RAB11FIP2: variants seen among roughly 807,000 people sequenced by gnomAD.
RAB11FIP2 encodes RAB11 family interacting protein 2.
A neutral mutation model predicts 40.9 loss-of-function variants in RAB11FIP2; 16 were observed. That is an observed-to-expected ratio of 0.39 (90% confidence interval 0.26 to 0.59). The LOEUF (loss-of-function observed/expected upper bound fraction) is 0.59. RAB11FIP2 is among the 20% of genes least tolerant of loss of function. The pLI is 0.53. For synonymous variants in RAB11FIP2, 228 were observed against 213.7 expected, an observed-to-expected ratio of 1.07 and a Z score of -0.58; for missense variants, 532 against 606.2, an observed-to-expected ratio of 0.88 and a Z score of 1.28.
intron 4 of RAB11FIP2, among the ~76,000 whole-genome samples, chr10:118,011,661 T>A (rs890363423): frequency 6.6e-6 from 1 of 152,090 alleles, no homozygotes; most frequent in Non-Finnish European, 1.5e-5. Flanking sequence ...ATAGATGAGA[T>A]GTTCTCCATG....
chr10:118,041,654 TG>T (rs1306518004), intron 1 of RAB11FIP2, among the ~76,000 whole-genome samples: 1 of 151,874 alleles, frequency 6.6e-6, no homozygotes, highest in Non-Finnish European at 1.5e-5. Context: ...AAAGGAACTC[TG>T]ATCTAATTTT....
intron 1 of RAB11FIP2, 115 bp downstream of exon 1, chr10:118,045,696 G>T (rs1564696604): frequency 1.3e-6 from 1 of 797,230 alleles, no homozygotes; most frequent in African/African-American, 1.7e-5. Context: ...CTTAAAACTG[G>T]ATCATATTTC....
At chr10:118,042,425 C>T (rs1240460030) in intron 1 of RAB11FIP2, among the ~76,000 whole-genome samples, 1 of 151,850 alleles carries the variant, frequency 6.6e-6, no homozygotes, top group Non-Finnish European at 1.5e-5. Flanking sequence ...AGATTAAAGT[C>T]AATAAAGAAA....
intron 3 of RAB11FIP2, among the ~76,000 whole-genome samples, chr10:118,031,902 C>T (rs1361143300): frequency 6.6e-6 from 1 of 151,954 alleles, no homozygotes; most frequent in Non-Finnish European, 1.5e-5. Context: ...CTATGAGTCA[C>T]AAATAGAAGG....
In RAB11FIP2 at chr10:118,007,504, T is replaced by G. The variant is rs1846107452; in HGVS notation, c.*1494A>C. On this transcript the variant is annotated 3_prime_UTR_variant, in exon 5 of 5. Transcript: ENST00000355624. ...TTTTTGTTTAACTTTCAATGGAGTC[T>G]TAACAGAGATAAGTATTAGAAAAAA... is the stretch of plus-strand genomic sequence containing the variant. 6.6e-6 allele frequency: 1 copy of G among 151,470 alleles called. No homozygotes were observed. The highest frequency in any genetic ancestry group is 1.5e-5 in the Non-Finnish European group (1 of 67,872). 9.4% of individuals were successfully genotyped at this position (151,470 alleles called of 1,614,324 possible). A position where few individuals can be genotyped will look rare whatever the true frequency, so the allele number is the denominator to read the frequency against.
intron 3 of RAB11FIP2, among the ~76,000 whole-genome samples, chr10:118,025,293 G>GA (rs546151631): frequency 3.3e-5 from 5 of 151,832 alleles, no homozygotes; most frequent in African/African-American, 9.7e-5. Flanking sequence ...TCTGCGTGAA[G>GA]AAAAAAAATA....
rs1217144875 is a variant in RAB11FIP2, at chr10:118,005,018, T to C, written c.*3980A>G. On this transcript the variant is annotated 3_prime_UTR_variant, in exon 5 of 5. Coordinates refer to ENST00000355624, the MANE Select transcript of RAB11FIP2 (RefSeq NM_014904.3). ...CATAAATTATACAATTGTCACATTA[T>C]ACAATGCTTACATACTTTTGAATTT... 1 of 152,672 alleles carries C rather than the reference T, an allele frequency of 6.5e-6. No homozygotes were observed. The highest frequency in any genetic ancestry group is 2.4e-5 in the African/African-American group (1 of 41,468). The allele number at this position is 152,672 out of a possible 1,614,324, so 9.5% of individuals were successfully genotyped here.
chr10:118,015,865 T>A (rs1846213348), intron 3 of RAB11FIP2, among the ~76,000 whole-genome samples: 1 of 152,240 alleles, frequency 6.6e-6, no homozygotes, highest in Non-Finnish European at 1.5e-5. Context: ...TACCCAGCAC[T>A]TAAAGGTATT....
intron 1 of RAB11FIP2, among the ~76,000 whole-genome samples, chr10:118,044,229 C>T (rs1846598198): frequency 1.3e-5 from 2 of 152,230 alleles, no homozygotes; most frequent in East Asian, 1.9e-4. Flanking sequence ...ACATTTGGTC[C>T]TACTTTCACT....
At position 118,045,455 on chromosome 10, in the gene RAB11FIP2, T is replaced by C. The variant is rs754742304; in HGVS notation, c.353+356A>G. 6 of 176,024 alleles carry C rather than the reference T, an allele frequency of 3.4e-5. No individual in the cohort carries two copies. The South Asian group carries it at 8.5e-4, about 25-fold the overall frequency. The allele number at this position is 176,024 out of a possible 1,614,324, so 10.9% of individuals were successfully genotyped here. On this transcript the variant is annotated intron_variant, in intron 1 of 4. Coordinates refer to ENST00000355624, the MANE Select transcript of RAB11FIP2 (RefSeq NM_014904.3). ...ATTTAATTTCTCATCTTCCATTTCATTGATAATTGTAAGGTTTAAAATCCA... is the reference window on the plus strand; with the variant it reads ...ATTTAATTTCTCATCTTCCATTTCACTGATAATTGTAAGGTTTAAAATCCA...
In RAB11FIP2 at chr10:118,008,466, A is replaced by G. The variant is rs1358493055; in HGVS notation, c.*532T>C. ...TTGTTTCTAAATGTTCTAAAAACAC[A>G]TGTATATATGAGGTATATGCCTATA... On this transcript the variant is annotated 3_prime_UTR_variant, in exon 5 of 5. Coordinates refer to ENST00000355624, the MANE Select transcript of RAB11FIP2 (RefSeq NM_014904.3). The G allele has an allele frequency of 6.5e-6, 1 of 153,938 alleles. No homozygotes were observed. Among genetic ancestry groups the G allele is most frequent in the Non-Finnish European group, 1.5e-5 (1 of 68,934 alleles). 9.5% of individuals were successfully genotyped at this position (153,938 alleles called of 1,614,324 possible).
chr10:118,016,512 T>G (rs779799067), intron 3 of RAB11FIP2, among the ~76,000 whole-genome samples: 5 of 152,166 alleles, frequency 3.3e-5, no homozygotes, highest in Non-Finnish European at 7.3e-5. Flanking sequence ...TGGTAGCAGC[T>G]GCTAACACAT....
intron 4 of RAB11FIP2, 26 bp downstream of exon 4, chr10:118,015,039 A>G: frequency 1.9e-6 from 3 of 1,571,372 alleles, no homozygotes; most frequent in Non-Finnish European, 2.6e-6. Flanking sequence ...CTCTTTGACA[A>G]CCCTCTAACC....
chr10:118,018,957 G>C (rs1355603594), intron 3 of RAB11FIP2, among the ~76,000 whole-genome samples: 1 of 149,052 alleles, frequency 6.7e-6, no homozygotes, highest in Non-Finnish European at 1.5e-5. Flanking sequence ...ATATTCTTTT[G>C]GAACAAGAAT....
intron 3 of RAB11FIP2, among the ~76,000 whole-genome samples, chr10:118,034,774 T>C (rs1259242997): frequency 6.6e-6 from 1 of 152,156 alleles, no homozygotes; most frequent in Admixed American, 6.5e-5. Context: ...AACATTCTCC[T>C]GAAGATTACA....
chr10:118,024,698 T>A (rs1846322500), intron 3 of RAB11FIP2, among the ~76,000 whole-genome samples: 1 of 152,040 alleles, frequency 6.6e-6, no homozygotes, highest in East Asian at 1.9e-4. Flanking sequence ...GACTCTTCCA[T>A]GAGGGTGCAA....
Position 118,039,328 on chromosome 10 carries a change from T to C in RAB11FIP2, c.909A>G (p.Pro303=). The part of the protein sequence containing the change: ...GELCFGRQND[P]FTNVTASLPQ... ...GTAATGAAGCAGTCACATTTGTAAA[T>C]GGGTCATTTTGTCTTCCGAAACACA... Residue 303 remains proline (P), a synonymous_variant, in exon 3 of 5, where the codon CCA becomes CCG. Transcript: ENST00000355624. The C allele has an allele frequency of 1.9e-6, 3 of 1,613,726 alleles. No individual in the cohort carries two copies. The highest frequency in any genetic ancestry group is 2.5e-6 in the Non-Finnish European group (3 of 1,179,712).
intron 3 of RAB11FIP2, among the ~76,000 whole-genome samples, chr10:118,035,222 G>C (rs4751645): frequency 0.046 from 7,070 of 152,124 alleles, 395 homozygotes; most frequent in East Asian, 0.17. Context: ...CCATTCCAGT[G>C]AACTCCTTTG....
intron 4 of RAB11FIP2, among the ~76,000 whole-genome samples, chr10:118,014,091 C>G (rs1184312732): frequency 6.6e-6 from 1 of 152,060 alleles, no homozygotes; most frequent in Non-Finnish European, 1.5e-5. Flanking sequence ...AGTACAAAGT[C>G]CTGTGCTTCT....
Sources: gnomAD v4.1 joint callset for allele counts (sites outside exome capture counted in the v4.1 genomes callset) on GRCh38, gnomAD v4.1.1 for gene constraint, MANE v1.5 for transcripts, NCBI Gene and HGNC (gene_info 2026-07-23, HGNC 2026-07-21) for gene names.